NR2C2: variants seen among roughly 807,000 people sequenced by gnomAD.
NR2C2 encodes the protein Nuclear hormone receptor TR4.
In NR2C2, 6 loss-of-function variants were observed where a neutral mutation model predicts 62.9. The ratio of observed to expected loss-of-function variants is 0.10; its 90% CI spans 0.05 to 0.19. The LOEUF is 0.19. NR2C2 is among the 10% of genes least tolerant of loss of function. The pLI is 1.00. For synonymous variants in NR2C2, 272 were observed against 273.8 expected (o/e 0.99, Z 0.07); for missense variants, 479 against 762.7 (o/e 0.63, Z 4.38).
intron 3 of NR2C2, 25 bp from the exon 4 acceptor site, chr3:15,016,127 C>T (rs902638603): frequency 6.4e-7 from 1 of 1,573,632 alleles, no homozygotes; most frequent in Non-Finnish European, 8.7e-7. Flanking sequence ...ATTGGCACCC[C>T]TGTTCGTTTC....
intron 1 of NR2C2, among the ~76,000 whole-genome samples, chr3:14,960,534 C>A (rs2039662282): frequency 6.6e-6 from 1 of 152,104 alleles, no homozygotes; most frequent in South Asian, 2.1e-4. Flanking sequence ...ATGTATCAAG[C>A]CACCTCTTTT....
chr3:14,950,065 G>A (rs73145243), intron 1 of NR2C2, among the ~76,000 whole-genome samples: 2,945 of 152,266 alleles, frequency 0.019, 91 homozygotes, highest in African/African-American at 0.067. Flanking sequence ...GCTTAGAAAA[G>A]TGCCTGACAT....
intron 1 of NR2C2, among the ~76,000 whole-genome samples, chr3:14,986,442 A>G (rs1326924126): frequency 6.6e-6 from 1 of 152,064 alleles, no homozygotes; most frequent in African/African-American, 2.4e-5. Flanking sequence ...GACTAGACTT[A>G]CTTATGATAA....
At chr3:14,953,975 C>T (rs1559524650) in intron 1 of NR2C2, among the ~76,000 whole-genome samples, 1 of 151,736 alleles carries the variant, frequency 6.6e-6, no homozygotes, top group South Asian at 2.1e-4. Context: ...CTGCATTTCC[C>T]CCAGTGTATT....
chr3:15,009,200 C>T (rs1233365137), intron 2 of NR2C2, among the ~76,000 whole-genome samples: 2 of 152,160 alleles, frequency 1.3e-5, no homozygotes, highest in African/African-American at 4.8e-5. Flanking sequence ...CCAGCCTGGG[C>T]AACAAGAGCG....
At chr3:15,011,809 C>T (rs1198585386) in intron 2 of NR2C2, among the ~76,000 whole-genome samples, 1 of 152,192 alleles carries the variant, frequency 6.6e-6, no homozygotes, top group South Asian at 2.1e-4. Context: ...TTGCAGTTTA[C>T]TGTTGTGTTT....
chr3:14,966,525 T>C (rs913375409), intron 1 of NR2C2, among the ~76,000 whole-genome samples: 1 of 152,204 alleles, frequency 6.6e-6, no homozygotes, highest in African/African-American at 2.4e-5. Flanking sequence ...AGTTCAAGAC[T>C]ACAGTGAGCT....
chr3:14,966,304 G>T (rs1044657972), intron 1 of NR2C2, among the ~76,000 whole-genome samples: 1 of 152,214 alleles, frequency 6.6e-6, no homozygotes, highest in African/African-American at 2.4e-5. Flanking sequence ...GGATAAGCCC[G>T]AGATAGGCTA....
At chr3:14,993,282 C>G (rs1283890505) in intron 1 of NR2C2, among the ~76,000 whole-genome samples, 1 of 151,840 alleles carries the variant, frequency 6.6e-6, no homozygotes, top group African/African-American at 2.4e-5. Flanking sequence ...GGTGAAACCC[C>G]GTCTCTACTA....
At chr3:14,988,991 T>C (rs899631926) in intron 1 of NR2C2, among the ~76,000 whole-genome samples, 2 of 152,192 alleles carry the variant, frequency 1.3e-5, no homozygotes, top group African/African-American at 4.8e-5. Flanking sequence ...CCGTAATACC[T>C]CTTTTCTCCT....
chr3:15,015,093 A>G (rs1001540398), intron 3 of NR2C2, among the ~76,000 whole-genome samples: 1 of 152,206 alleles, frequency 6.6e-6, no homozygotes, highest in Non-Finnish European at 1.5e-5. Context: ...TTCCCGGAGT[A>G]CATTGTGATC....
chr3:14,977,948 C>CAAA (rs11388882), intron 1 of NR2C2, among the ~76,000 whole-genome samples: 11 of 104,166 alleles, frequency 1.1e-4, no homozygotes, highest in African/African-American at 2.0e-4. Flanking sequence ...GACTCTGCCT[C>CAAA]AAAAAAAAAA....
intron 1 of NR2C2, among the ~76,000 whole-genome samples, chr3:14,993,608 G>C (rs2040733444): frequency 6.6e-6 from 1 of 152,092 alleles, no homozygotes; most frequent in Non-Finnish European, 1.5e-5. Flanking sequence ...CCATATCTCA[G>C]CTGCCTCTGG....
Position 15,049,102 on chromosome 3 carries a change from G to C in NR2C2, c.*6094G>C, listed in dbSNP as rs555518307. On this transcript the variant is annotated 3_prime_UTR_variant, in exon 14 of 14. Transcript: ENST00000425241. ...AAACTGAATTTTATATCTAATCAAT[G>C]TCTTCAGTCTTGAAGAAGAATTTGC... The C allele has an allele frequency of 2.6e-5, 4 of 152,702 alleles. No individual in the cohort carries two copies. In the South Asian group the frequency reaches 8.3e-4, roughly 32 times the overall value. 9.5% of individuals were successfully genotyped at this position (152,702 alleles called of 1,614,324 possible). A position where few individuals can be genotyped will look rare whatever the true frequency, so the allele number is the denominator to read the frequency against.
intron 2 of NR2C2, among the ~76,000 whole-genome samples, chr3:15,007,069 C>T (rs1211802285): frequency 6.6e-6 from 1 of 151,636 alleles, no homozygotes; most frequent in Non-Finnish European, 1.5e-5. Flanking sequence ...GCCACTGTGC[C>T]ACCCAGCCCA....
intron 10 of NR2C2, 22 bp downstream of exon 10, chr3:15,032,522 A>G (rs369859040): frequency 1.2e-6 from 2 of 1,614,158 alleles, no homozygotes; most frequent in Non-Finnish European, 1.7e-6. Context: ...CTTGCTGTGC[A>G]TGTATCCTCG....
intron 4 of NR2C2, 27 bp downstream of exon 4, chr3:15,016,281 C>A (rs1301192982): frequency 1.3e-6 from 2 of 1,528,668 alleles, no homozygotes; most frequent in Non-Finnish European, 1.8e-6. Context: ...TATGCTGGCA[C>A]TTATAATGGG....
At chr3:14,995,431 A>G (rs1446703003) in intron 1 of NR2C2, among the ~76,000 whole-genome samples, 1 of 151,820 alleles carries the variant, frequency 6.6e-6, no homozygotes, top group Non-Finnish European at 1.5e-5. Flanking sequence ...TATAAATTGA[A>G]TCATATAGTC....
chr3:14,989,924 CAAAAAAAAAAA>C (rs34980642), intron 1 of NR2C2, among the ~76,000 whole-genome samples: 22 of 51,024 alleles, frequency 4.3e-4, no homozygotes, highest in Non-Finnish European at 7.8e-4. Flanking sequence ...GACTCCATCT[CAAAAAAAAAAA>C]AAAAAAAAAA....
Sources: allele counts gnomAD v4.1 joint callset (sites outside exome capture counted in the v4.1 genomes callset), GRCh38; gene constraint gnomAD v4.1.1; transcripts MANE v1.5; gene names NCBI Gene and HGNC (gene_info 2026-07-23, HGNC 2026-07-21).